NAALADL2: variants seen among roughly 807,000 people sequenced by gnomAD.
NAALADL2 encodes the protein inactive N-acetylated-alpha-linked acidic dipeptidase-like protein 2.
Under a neutral mutation model 87.2 loss-of-function variants are expected in NAALADL2, and 76 were observed. The observed-to-expected ratio is 0.87, with a 90% CI of 0.72 to 1.05. The LOEUF (loss-of-function observed/expected upper bound fraction) is 1.05. Among genes scored for constraint, NAALADL2 ranks in the 50% least tolerant of loss-of-function variants. The probability of loss-of-function intolerance (pLI) is 0.00; values close to 1 mark genes in which losing one functional copy is unlikely to be tolerated. For missense variants in NAALADL2, 1,089 were observed against 945.8 expected (o/e 1.15, Z -1.99); for synonymous variants, 354 against 331.0 (o/e 1.07, Z -0.75).
intron 11 of NAALADL2, among the ~76,000 whole-genome samples, chr3:175,636,242 T>C (rs1016153316): frequency 6.6e-6 from 1 of 152,098 alleles, no homozygotes; most frequent in Admixed American, 6.5e-5. Flanking sequence ...GGTAGACCTC[T>C]GCACATGACC....
chr3:174,745,876 A>G (rs1172304974), intron 3 of NAALADL2, among the ~76,000 whole-genome samples: 1 of 151,976 alleles, frequency 6.6e-6, no homozygotes, highest in Non-Finnish European at 1.5e-5. Context: ...ATAAAATTCA[A>G]CCTCCCTTCA....
At chr3:174,996,446 G>A (rs1579930329) in intron 1 of NAALADL2, among the ~76,000 whole-genome samples, 1 of 150,996 alleles carries the variant, frequency 6.6e-6, no homozygotes, top group Non-Finnish European at 1.5e-5. Context: ...GCAGTGAGCC[G>A]AGATCATGCA....
At chr3:174,648,350 A>AC (rs1305749563) in intron 2 of NAALADL2, among the ~76,000 whole-genome samples, 3 of 151,872 alleles carry the variant, frequency 2.0e-5, no homozygotes, top group Non-Finnish European at 4.4e-5. Flanking sequence ...AAAAAAAAAA[A>AC]AACAAACCTT....
At chr3:175,490,558 T>G (rs1416716818) in intron 9 of NAALADL2, among the ~76,000 whole-genome samples, 2 of 151,276 alleles carry the variant, frequency 1.3e-5, no homozygotes, top group East Asian at 3.9e-4. Context: ...GGCTAGTTTT[T>G]TTTTTTTTTT....
At chr3:175,013,077 G>A (rs1344495883) in intron 1 of NAALADL2, among the ~76,000 whole-genome samples, 2 of 87,980 alleles carry the variant, frequency 2.3e-5, no homozygotes, top group African/African-American at 1.1e-4. Flanking sequence ...ATATAAATAT[G>A]TAATACATAT....
In NAALADL2 at chr3:175,097,178, T is replaced by C. The variant is rs1314026124; in HGVS notation, c.432T>C (p.Tyr144=). 1 of 1,613,784 alleles carries C rather than the reference T, an allele frequency of 6.2e-7. No homozygotes were observed. Among genetic ancestry groups the C allele is most frequent in the Admixed American group, 1.7e-5 (1 of 60,006 alleles). ...ILFIFGILIG[Y]YVHTNCPSDA... ...TTATTTTTGGGATTTTGATAGGTTA[T>C]TATGTACATACAAATTGCCCTTCAG... Residue 144 remains tyrosine (Y), a synonymous_variant, in exon 2 of 14, where the codon TAT becomes TAC. Coordinates refer to ENST00000454872, the MANE Select transcript of NAALADL2 (RefSeq NM_207015.3).
At chr3:175,760,704 C>A (rs913717872) in intron 13 of NAALADL2, among the ~76,000 whole-genome samples, 1 of 152,132 alleles carries the variant, frequency 6.6e-6, no homozygotes, top group Admixed American at 6.5e-5. Flanking sequence ...TGCTCTACCA[C>A]TCCTGGATAC....
intron 3 of NAALADL2, among the ~76,000 whole-genome samples, chr3:174,837,425 C>T (rs989875726): frequency 6.6e-6 from 1 of 152,124 alleles, no homozygotes; most frequent in Non-Finnish European, 1.5e-5. Flanking sequence ...AAGATACAAC[C>T]TTTTTATCTT....
intron 2 of NAALADL2, among the ~76,000 whole-genome samples, chr3:174,667,545 G>GGTTTTT (rs370966774): frequency 2.4e-5 from 3 of 123,770 alleles, no homozygotes; most frequent in Non-Finnish European, 3.3e-5. Context: ...ATGGGAGAGA[G>GGTTTTT]TTTTTTTTTT....
chr3:174,565,271 C>G (rs1714121022), intron 2 of NAALADL2, among the ~76,000 whole-genome samples: 1 of 152,012 alleles, frequency 6.6e-6, no homozygotes, highest in Non-Finnish European at 1.5e-5. Context: ...GCCACCATTG[C>G]AATACCACAC....
chr3:175,372,296 T>G (rs183365713), intron 5 of NAALADL2, among the ~76,000 whole-genome samples: 1 of 152,248 alleles, frequency 6.6e-6, no homozygotes, highest in South Asian at 2.1e-4. Context: ...CTCTGCCTTC[T>G]GGAGCGAAAA....
At chr3:175,584,733 A>G (rs1178109966) in intron 10 of NAALADL2, among the ~76,000 whole-genome samples, 1 of 152,210 alleles carries the variant, frequency 6.6e-6, no homozygotes, top group African/African-American at 2.4e-5. Flanking sequence ...TTATAATACA[A>G]TGGTATTTGT....
At chr3:174,816,462 A>G (rs538953713) in intron 3 of NAALADL2, among the ~76,000 whole-genome samples, 4 of 149,600 alleles carry the variant, frequency 2.7e-5, no homozygotes, top group Non-Finnish European at 5.9e-5. Context: ...GGGAGAGACT[A>G]TATAATCTCT....
At chr3:174,809,705 C>T (rs1354022691) in intron 3 of NAALADL2, among the ~76,000 whole-genome samples, 4 of 151,960 alleles carry the variant, frequency 2.6e-5, no homozygotes, top group South Asian at 2.1e-4. Flanking sequence ...ATTTAAGTAA[C>T]ATTAACATAG....
chr3:175,090,973 GA>G (rs36116076), intron 1 of NAALADL2, among the ~76,000 whole-genome samples: 20 of 146,008 alleles, frequency 1.4e-4, no homozygotes, highest in Admixed American at 8.1e-4. Flanking sequence ...ACCACAAATG[GA>G]AAAAAAAAAT....
At chr3:174,918,126 T>A (rs533050675) in intron 1 of NAALADL2, among the ~76,000 whole-genome samples, 1 of 152,252 alleles carries the variant, frequency 6.6e-6, no homozygotes, top group South Asian at 2.1e-4. Flanking sequence ...ATGATGAGGA[T>A]GCTTTTGGGC....
At chr3:175,581,122 C>T (rs967002257) in intron 10 of NAALADL2, 16 of 389,872 alleles carry the variant, frequency 4.1e-5, no homozygotes, top group African/African-American at 3.1e-4. Flanking sequence ...GTGATGTTAT[C>T]TTACAGTTTC....
intron 2 of NAALADL2, among the ~76,000 whole-genome samples, chr3:174,569,346 TTAAA>T (rs922249940): frequency 2.1e-4 from 32 of 152,140 alleles, no homozygotes; most frequent in Middle Eastern, 3.4e-3. Flanking sequence ...AAGCATTATA[TTAAA>T]TAAAGTACCC....
At chr3:174,682,869 A>T (rs985152351) in intron 2 of NAALADL2, among the ~76,000 whole-genome samples, 6 of 152,204 alleles carry the variant, frequency 3.9e-5, no homozygotes, top group African/African-American at 7.2e-5. Flanking sequence ...ATGAACATCC[A>T]CAAACATCAA....
Sources: allele counts gnomAD v4.1 joint callset (sites outside exome capture counted in the v4.1 genomes callset), GRCh38; gene constraint gnomAD v4.1.1; transcripts MANE v1.5; gene names NCBI Gene and HGNC (gene_info 2026-07-23, HGNC 2026-07-21).